Variants in CCDC144A observed in about 807,000 individuals in gnomAD.
CCDC144A encodes coiled-coil domain containing 144A.
A neutral mutation model predicts 143.8 loss-of-function variants in CCDC144A; 41 were observed. That is an observed-to-expected ratio of 0.29 (90% CI 0.22 to 0.37). The LOEUF is 0.37. CCDC144A is among the 10% of genes least tolerant of loss of function. The pLI, the probability that CCDC144A is intolerant of heterozygous loss-of-function variation, is 1.00. For missense variants in CCDC144A, 637 were observed against 1,488.8 expected, an observed-to-expected ratio of 0.43 and a Z score of 9.41; for synonymous variants, 242 against 517.9, an observed-to-expected ratio of 0.47 and a Z score of 7.23.
chr17:16,738,340 C>G (rs1914114998), intron 12 of CCDC144A, among the ~76,000 whole-genome samples: 1 of 140,742 alleles, frequency 7.1e-6, no homozygotes, highest in Non-Finnish European at 1.5e-5. Context: ...AACAAGTTTA[C>G]TGAGAGAGAA....
intron 14 of CCDC144A, 68 bp from the exon 15 acceptor site, chr17:16,763,897 C>A: frequency 2.0e-6 from 3 of 1,490,398 alleles, no homozygotes; most frequent in African/African-American, 1.4e-5. Context: ...TTAGAACAAT[C>A]GAAGTCATTT....
intron 12 of CCDC144A, among the ~76,000 whole-genome samples, chr17:16,749,365 AGTTGTTTGATTTCCAT>A (rs1914680864): frequency 6.6e-6 from 1 of 152,144 alleles, no homozygotes; most frequent in Non-Finnish European, 1.5e-5. Flanking sequence ...TTTAGGAGCC[AGTTGTTTGATTTCCAT>A]GTAATTGTGT....
At position 16,728,098 on chromosome 17, in the gene CCDC144A, A is replaced by G. The variant is rs201752282; in HGVS notation, c.2105+358A>G. Among the ~76,000 whole-genome samples, 20 of 152,318 alleles carry G rather than the reference A, an allele frequency of 1.3e-4. No individual in the cohort carries two copies. In the East Asian group the frequency reaches 2.5e-3, roughly 19 times the overall value. Reference sequence around the variant, plus strand: ...ACAGGGTCTCTGTGCCTGGGACTGGAGTTCACTGGTGTGATCATACCTCCC... The same window carrying G: ...ACAGGGTCTCTGTGCCTGGGACTGGGGTTCACTGGTGTGATCATACCTCCC... On this transcript the variant is annotated intron_variant, in intron 9 of 16. Transcript: ENST00000399273.
chr17:16,674,552 G>A, the CCDC144A span, among the ~76,000 whole-genome samples: 2 of 143,384 alleles, frequency 1.4e-5, no homozygotes, highest in Admixed American at 6.9e-5. Context: ...AAAGAGGAAC[G>A]AAGGGAGGGA....
At chr17:16,680,112 T>C in the CCDC144A span, among the ~76,000 whole-genome samples, 1 of 152,028 alleles carries the variant, frequency 6.6e-6, no homozygotes, top group African/African-American at 2.4e-5. Context: ...TGCCATGCGC[T>C]TTGTTTTCCA....
At chr17:16,676,145 G>A in the CCDC144A span, among the ~76,000 whole-genome samples, 1 of 151,982 alleles carries the variant, frequency 6.6e-6, no homozygotes, top group Non-Finnish European at 1.5e-5. Context: ...GAAAAAAAGG[G>A]CAATGATAAA....
At chr17:16,686,736 TCACACACACAAA>T (rs1268202345), upstream of CCDC144A, among the ~76,000 whole-genome samples, 1 of 132,962 alleles carries the variant, frequency 7.5e-6, no homozygotes, top group East Asian at 2.5e-4. Context: ...TCTGCCTCTG[TCACACACACAAA>T]CACACACACA....
At chr17:16,681,482 G>A in the CCDC144A span, among the ~76,000 whole-genome samples, 1 of 152,100 alleles carries the variant, frequency 6.6e-6, no homozygotes, top group East Asian at 1.9e-4. Flanking sequence ...ACAGATCAGT[G>A]GAAAAGTATG....
chr17:16,758,400 G>T (rs915132751), intron 12 of CCDC144A, among the ~76,000 whole-genome samples: 1 of 152,202 alleles, frequency 6.6e-6, no homozygotes, highest in Admixed American at 6.5e-5. Flanking sequence ...ATGCACCCTG[G>T]GTTGTGGTTT....
intron 12 of CCDC144A, among the ~76,000 whole-genome samples, chr17:16,754,748 C>G (rs1273692682): frequency 6.6e-6 from 1 of 152,242 alleles, no homozygotes; most frequent in Non-Finnish European, 1.5e-5. Flanking sequence ...TCCATGTGGT[C>G]TATAGTGCAG....
chr17:16,770,591 C>G (rs2143411091), intron 15 of CCDC144A, among the ~76,000 whole-genome samples: 1 of 151,860 alleles, frequency 6.6e-6, no homozygotes, highest in African/African-American at 2.4e-5. Context: ...AAGCTGCAGT[C>G]TCTCCGAGCC....
In CCDC144A at chr17:16,711,809, A is replaced by G. The variant is rs1263117301; in HGVS notation, c.1709A>G (p.His570Arg). The change falls in exon 6 of 17, where the codon CAT becomes CGT. Residue 570 changes from histidine to arginine, a missense_variant. Coordinates refer to ENST00000399273, the MANE Select transcript of CCDC144A (RefSeq NM_001382000.1). ...QQIPRKENGEHDRPADKTSNE... is the reference protein window; with the variant it reads ...QQIPRKENGERDRPADKTSNE... ...ATTCCTAGGAAGGAAAATGGAGAGC[A>G]TGACAGGTAAGCCTATAGCAGCGTT... 6.3e-6 allele frequency: 10 copies of G among 1,586,976 alleles called. No homozygotes were observed. Among genetic ancestry groups the G allele is most frequent in the Middle Eastern group, 2.3e-4 (1 of 4,396 alleles).
At chr17:16,713,842 C>A (rs1912588739) in intron 6 of CCDC144A, among the ~76,000 whole-genome samples, 1 of 152,146 alleles carries the variant, frequency 6.6e-6, no homozygotes, top group African/African-American at 2.4e-5. Flanking sequence ...CATCTACAGT[C>A]ATGCCCCTAG....
intron 6 of CCDC144A, among the ~76,000 whole-genome samples, chr17:16,718,859 T>G (rs1678553538): frequency 1.7e-5 from 2 of 120,108 alleles, no homozygotes; most frequent in African/African-American, 3.8e-5. Context: ...TGAGACAGAG[T>G]CTTGCTCTTT....
intron 12 of CCDC144A, chr17:16,746,164 C>G: frequency 5.8e-6 from 9 of 1,547,246 alleles, no homozygotes; most frequent in Non-Finnish European, 7.9e-6. Flanking sequence ...TCTCCTCTTT[C>G]TTTTGGTTTC....
At chr17:16,733,946 T>C (rs1913873591) in intron 11 of CCDC144A, among the ~76,000 whole-genome samples, 1 of 152,140 alleles carries the variant, frequency 6.6e-6, no homozygotes, top group Non-Finnish European at 1.5e-5. Flanking sequence ...CAGACCAGCC[T>C]GGGCAGCATG....
chr17:16,696,784 G>C (rs1312876914), intron 2 of CCDC144A, among the ~76,000 whole-genome samples: 1 of 152,022 alleles, frequency 6.6e-6, no homozygotes, highest in East Asian at 1.9e-4. Flanking sequence ...GACCAGAGTT[G>C]TTTTGATGGT....
At chr17:16,686,673 C>T (rs1294284670), upstream of CCDC144A, among the ~76,000 whole-genome samples, 4 of 150,908 alleles carry the variant, frequency 2.7e-5, no homozygotes, top group Non-Finnish European at 5.9e-5. Flanking sequence ...TTTGAGAGAG[C>T]ATCTCACTCC....
intron 2 of CCDC144A, among the ~76,000 whole-genome samples, chr17:16,701,020 A>G (rs1418308523): frequency 1.3e-5 from 2 of 152,212 alleles, no homozygotes; most frequent in Admixed American, 6.5e-5. Flanking sequence ...TTGCCTAAGT[A>G]TACAATTAAA....
Sources: gnomAD v4.1 joint callset for allele counts (sites outside exome capture counted in the v4.1 genomes callset) on GRCh38, gnomAD v4.1.1 for gene constraint, MANE v1.5 for transcripts, NCBI Gene and HGNC (gene_info 2026-07-23, HGNC 2026-07-21) for gene names.